The following YEATS2 variants were observed in gnomAD, a reference collection of about 807,000 sequenced individuals.
YEATS2 encodes YEATS domain containing 2, also known as YEATS domain-containing protein 2.
A neutral mutation model predicts 163.2 loss-of-function variants in YEATS2; 77 were observed. The ratio of observed to expected loss-of-function variants is 0.47; its 90% CI spans 0.39 to 0.57. The LOEUF (loss-of-function observed/expected upper bound fraction) is 0.57. Among genes scored for constraint, YEATS2 ranks in the 20% least tolerant of loss-of-function variants. YEATS2 has a pLI of 0.00. For synonymous variants in YEATS2, 631 were observed against 645.1 expected, an observed-to-expected ratio of 0.98 and a Z score of 0.33; for missense variants, 1,549 against 1,729.8, an observed-to-expected ratio of 0.90 and a Z score of 1.85.
intron 22 of YEATS2, among the ~76,000 whole-genome samples, 170 bp from the exon 23 acceptor site, chr3:183,798,721 C>T (rs1020050587): frequency 1.3e-5 from 2 of 152,110 alleles, no homozygotes; most frequent in Admixed American, 6.6e-5. Context: ...TCTCAGTTAC[C>T]CTCATACCTA....
At chr3:183,761,993 A>G (rs1721403976) in intron 14 of YEATS2, 104 bp from the exon 15 acceptor site, 1 of 1,470,154 alleles carries the variant, frequency 6.8e-7, no homozygotes, top group Non-Finnish European at 9.4e-7. Flanking sequence ...ATCAAGTTTC[A>G]TCAATTCATT....
intron 6 of YEATS2, among the ~76,000 whole-genome samples, chr3:183,725,469 A>G (rs1243711896): frequency 6.6e-6 from 1 of 152,122 alleles, no homozygotes; most frequent in Non-Finnish European, 1.5e-5. Context: ...TAAAGGAAAG[A>G]GGTTTGATTG....
chr3:183,758,528 TTA>T (rs1220232846), intron 12 of YEATS2, among the ~76,000 whole-genome samples: 2 of 152,090 alleles, frequency 1.3e-5, no homozygotes, highest in African/African-American at 4.8e-5. Context: ...GTAGAATACG[TTA>T]TAGTGTCTTT....
chr3:183,772,182 C>A, intron 15 of YEATS2, 123 bp from the exon 16 acceptor site: 3 of 1,371,758 alleles, frequency 2.2e-6, no homozygotes, highest in Non-Finnish European at 3.0e-6. Context: ...AGGTAGCTTT[C>A]CTAGATGACT....
At chr3:183,732,253 A>G (rs1010515640) in intron 7 of YEATS2, among the ~76,000 whole-genome samples, 1 of 151,910 alleles carries the variant, frequency 6.6e-6, no homozygotes, top group African/African-American at 2.4e-5. Context: ...GTTTGAGACC[A>G]GCCTTGCCAA....
chr3:183,749,092 G>A (rs942817866), intron 9 of YEATS2, among the ~76,000 whole-genome samples: 2 of 151,968 alleles, frequency 1.3e-5, no homozygotes, highest in African/African-American at 2.4e-5. Context: ...ACAGGCACCC[G>A]CCACCACGCC....
At chr3:183,705,382 T>A (rs546696019) in intron 1 of YEATS2, among the ~76,000 whole-genome samples, 1 of 152,280 alleles carries the variant, frequency 6.6e-6, no homozygotes, top group East Asian at 1.9e-4. Context: ...TGTCTTAATC[T>A]TTTAAATTTT....
At position 183,700,595 on chromosome 3, in the gene YEATS2, TTTC is replaced by T. The variant is rs1320597962; in HGVS notation, c.-20+2605_-20+2607del. ...GATTTTTTCTTTTTCTTTTCTTTTC[TTTC>T]TTTTTTTTTTTTTTTTTTGAGACAG... is the stretch of plus-strand genomic sequence containing the variant. On this transcript the variant is annotated intron_variant, in intron 1 of 30. Coordinates refer to ENST00000305135, the MANE Select transcript of YEATS2 (RefSeq NM_018023.5). 8.9e-3 allele frequency among the ~76,000 whole-genome samples: 1,314 copies of T among 147,990 alleles called. 24 individuals carry two copies. Among genetic ancestry groups the T allele is most frequent in the African/African-American group, 0.031 (1,237 of 39,780 alleles).
chr3:183,729,440 ACTT>A (rs1290470276), intron 7 of YEATS2, among the ~76,000 whole-genome samples: 3 of 152,148 alleles, frequency 2.0e-5, no homozygotes, highest in African/African-American at 4.8e-5. Context: ...TGAAAATGTT[ACTT>A]CTTTTTATGA....
At chr3:183,775,343 A>G (rs1025279963) in intron 17 of YEATS2, among the ~76,000 whole-genome samples, 5 of 152,196 alleles carry the variant, frequency 3.3e-5, no homozygotes, top group African/African-American at 1.2e-4. Context: ...CACACCTGCA[A>G]TCCCAGCACT....
intron 7 of YEATS2, among the ~76,000 whole-genome samples, chr3:183,736,371 G>T (rs76157624): frequency 0.028 from 4,227 of 152,230 alleles, 190 homozygotes; most frequent in African/African-American, 0.095. Context: ...CATACCTCAT[G>T]GCCTGTATCT....
chr3:183,802,701 A>G (rs263043), intron 25 of YEATS2: 71,333 of 151,870 alleles, frequency 0.47, 17,080 homozygotes, highest in East Asian at 0.65. Flanking sequence ...AGGTTGAGGC[A>G]GGCAGATCAC....
In YEATS2 at chr3:183,803,243, G is replaced by T. The variant is rs765338459; in HGVS notation, c.3503-13G>T. 3 of 1,610,942 alleles carry T rather than the reference G, an allele frequency of 1.9e-6. No individual in the cohort carries two copies. In the East Asian group the frequency reaches 6.7e-5, roughly 36 times the overall value. ...GAGCTTTATTCAGGCTTTGCTGGGTGTGTGCATTCTAGGTGAAGATGCCAG... is the reference window on the plus strand; with the variant it reads ...GAGCTTTATTCAGGCTTTGCTGGGTTTGTGCATTCTAGGTGAAGATGCCAG... On this transcript the variant is annotated splice_polypyrimidine_tract_variant and intron_variant, in intron 25 of 30. Transcript: ENST00000305135.
intron 19 of YEATS2, among the ~76,000 whole-genome samples, chr3:183,782,793 T>TG (rs1201530527): frequency 6.6e-6 from 1 of 152,206 alleles, no homozygotes; most frequent in Non-Finnish European, 1.5e-5. Context: ...TTCCAGGTTT[T>TG]TTTGTTTGTT....
Position 183,773,718 on chromosome 3 carries a change from C to G in YEATS2, c.2292C>G (p.Asn764Lys). 6.2e-7 allele frequency: 1 copy of G among 1,613,790 alleles called. No individual in the cohort carries two copies. Residue 764 changes from asparagine (N) to lysine (K), a missense_variant, in exon 17 of 31, where the codon AAC becomes AAG. By Grantham distance (94) the Asn-to-Lys change is moderately conservative. Coordinates refer to ENST00000305135, the MANE Select transcript of YEATS2 (RefSeq NM_018023.5). ...PPGTKLYLTT[N>K]SKNPSGKGKL... ...GCACTAAACTCTACCTAACTACAAA[C>G]AGCAAGAACCCTTCAGGAAAAGGAA... is the stretch of plus-strand genomic sequence containing the variant.
chr3:183,798,845 AT>A, intron 22 of YEATS2, 45 bp from the exon 23 acceptor site: 1 of 1,469,340 alleles, frequency 6.8e-7, no homozygotes. Flanking sequence ...CTCATTAAAA[AT>A]AATTTTTGTA....
intron 8 of YEATS2, among the ~76,000 whole-genome samples, chr3:183,743,744 T>A (rs1250464349): frequency 6.6e-6 from 1 of 152,182 alleles, no homozygotes; most frequent in Non-Finnish European, 1.5e-5. Flanking sequence ...ACATGTGACA[T>A]AATCCTGATA....
intron 1 of YEATS2, among the ~76,000 whole-genome samples, chr3:183,707,419 T>G (rs975753457): frequency 6.6e-6 from 1 of 152,216 alleles, no homozygotes; most frequent in Admixed American, 6.5e-5. Flanking sequence ...TATACCACGA[T>G]TTGTTCGTCC....
chr3:183,700,005 G>A (rs930670737), intron 1 of YEATS2, among the ~76,000 whole-genome samples: 2 of 152,094 alleles, frequency 1.3e-5, no homozygotes, highest in Admixed American at 6.6e-5. Flanking sequence ...AAACTTAATC[G>A]ATGAAAAATG....
Sources: gnomAD v4.1 joint callset for allele counts (sites outside exome capture counted in the v4.1 genomes callset) on GRCh38, gnomAD v4.1.1 for gene constraint, MANE v1.5 for transcripts, NCBI Gene and HGNC (gene_info 2026-07-23, HGNC 2026-07-21) for gene names.